XPR1: variants seen among roughly 807,000 people sequenced by gnomAD.
The protein encoded by XPR1 is xenotropic and polytropic retrovirus receptor 1, also known as solute carrier family 53 member 1.
In XPR1, 28 loss-of-function variants were observed where a neutral mutation model predicts 87.5. The ratio of observed to expected loss-of-function variants is 0.32; its 90% CI spans 0.24 to 0.44. The LOEUF is 0.44. Ranked by LOEUF, XPR1 falls within the 20% of genes least tolerant of loss-of-function variation. The probability of loss-of-function intolerance (pLI) is 1.00; values close to 1 mark genes in which losing one functional copy is unlikely to be tolerated. For synonymous variants in XPR1, 300 were observed against 306.1 expected, an observed-to-expected ratio of 0.98 and a Z score of 0.21; for missense variants, 559 against 862.3, an observed-to-expected ratio of 0.65 and a Z score of 4.41.
intron 9 of XPR1, among the ~76,000 whole-genome samples, chr1:180,832,840 T>C (rs1651119891): frequency 6.6e-6 from 1 of 152,214 alleles, no homozygotes; most frequent in Non-Finnish European, 1.5e-5. Context: ...GTCTTGGCTA[T>C]GTGGGCTCTT....
chr1:180,800,560 A>G (rs1010428610), intron 3 of XPR1, among the ~76,000 whole-genome samples: 8 of 152,194 alleles, frequency 5.3e-5, no homozygotes, highest in Non-Finnish European at 8.8e-5. Context: ...CTGACAGAGA[A>G]CCTAGCCACA....
At chr1:180,817,312 T>A (rs917082118) in intron 7 of XPR1, among the ~76,000 whole-genome samples, 1 of 152,164 alleles carries the variant, frequency 6.6e-6, no homozygotes, top group African/African-American at 2.4e-5. Flanking sequence ...AAAATTTTTT[T>A]ATAAATTCAG....
At chr1:180,747,947 C>CCAAAA (rs768614324) in intron 2 of XPR1, among the ~76,000 whole-genome samples, 11 of 152,050 alleles carry the variant, frequency 7.2e-5, no homozygotes, top group Admixed American at 3.3e-4. Context: ...AGAACAACAA[C>CCAAAA]CAAAACAAAA....
intron 2 of XPR1, among the ~76,000 whole-genome samples, chr1:180,742,736 A>T (rs1257467984): frequency 1.3e-5 from 2 of 152,022 alleles, no homozygotes. Flanking sequence ...AGTTATGTTG[A>T]AGTCTCCAGC....
At chr1:180,816,944 G>A (rs1359198745) in intron 7 of XPR1, among the ~76,000 whole-genome samples, 4 of 152,228 alleles carry the variant, frequency 2.6e-5, no homozygotes, top group African/African-American at 9.6e-5. Flanking sequence ...TAGAATAGGA[G>A]ATGACAGCTC....
chr1:180,682,533 T>C (rs934225728), intron 2 of XPR1, 122 bp downstream of exon 2: 1 of 433,120 alleles, frequency 2.3e-6, no homozygotes, highest in Non-Finnish European at 3.8e-6. Flanking sequence ...TTTTTTTCCC[T>C]TTTAATAATA....
chr1:180,742,293 C>T (rs1248349633), intron 2 of XPR1, among the ~76,000 whole-genome samples: 1 of 152,020 alleles, frequency 6.6e-6, no homozygotes, highest in Admixed American at 6.6e-5. Context: ...CCCCTGTAAG[C>T]ACTGTTTTAG....
At chr1:180,646,683 G>T (rs1655130846) in intron 1 of XPR1, among the ~76,000 whole-genome samples, 1 of 152,036 alleles carries the variant, frequency 6.6e-6, no homozygotes, top group Non-Finnish European at 1.5e-5. Context: ...GCTCACATTT[G>T]TTTTTTACTC....
chr1:180,886,029 T>G lies in XPR1; in HGVS notation c.*1963T>G, dbSNP rs574440965. 6.6e-6 allele frequency: 1 copy of G among 152,358 alleles called. No homozygotes were observed. The highest frequency in any genetic ancestry group is 2.4e-5 in the African/African-American group (1 of 41,590). 9.4% of individuals were successfully genotyped at this position (152,358 alleles called of 1,614,324 possible). On this transcript the variant is annotated 3_prime_UTR_variant, in exon 15 of 15. Coordinates refer to ENST00000367590, the MANE Select transcript of XPR1 (RefSeq NM_004736.4). The stretch of plus-strand genomic sequence containing the variant: ...TCATACAACTTTGTGCTTCTATTGC[T>G]TTTTTGTGTTTTGTTAAGCATGTCC...
intron 6 of XPR1, among the ~76,000 whole-genome samples, chr1:180,808,676 A>G (rs974173627): frequency 6.6e-6 from 1 of 152,204 alleles, no homozygotes; most frequent in Admixed American, 6.5e-5. Flanking sequence ...TACAGGTGGC[A>G]AATTAGCATG....
intron 1 of XPR1, among the ~76,000 whole-genome samples, chr1:180,653,547 A>G (rs1448360873): frequency 1.3e-5 from 2 of 152,148 alleles, no homozygotes; most frequent in Non-Finnish European, 2.9e-5. Flanking sequence ...TCCACAGGGG[A>G]TACATTCCAG....
chr1:180,836,623 A>G lies in XPR1; in HGVS notation c.1408A>G (p.Thr470Ala), dbSNP rs367582626. ...CCAGTGCCTGCGCCGATATCGAGAC[A>G]CAAAAAGGGCCTTTCCTCATTTAGT... ...FIQCLRRYRD[T>A]KRAFPHLVNA... The change falls in exon 11 of 15, where the codon ACA (threonine) becomes GCA (alanine). Residue 470 changes from threonine to alanine, a missense_variant. By Grantham distance (58) the Thr-to-Ala change is moderately conservative (BLOSUM62 0). Transcript: ENST00000367590. 1.2e-6 allele frequency: 2 copies of G among 1,614,066 alleles called. No individual in the cohort carries two copies. The highest frequency in any genetic ancestry group is 2.7e-5 in the African/African-American group (2 of 74,920).
intron 2 of XPR1, among the ~76,000 whole-genome samples, chr1:180,759,419 AT>A: frequency 6.6e-6 from 1 of 152,318 alleles, no homozygotes; most frequent in South Asian, 2.1e-4. Flanking sequence ...GCAATAAAAA[AT>A]GATAAAGGGG....
At chr1:180,862,476 A>G (rs1330946215) in intron 11 of XPR1, among the ~76,000 whole-genome samples, 1 of 152,066 alleles carries the variant, frequency 6.6e-6, no homozygotes, top group Non-Finnish European at 1.5e-5. Context: ...GACTTTTGCA[A>G]TACTATTTAT....
intron 1 of XPR1, among the ~76,000 whole-genome samples, chr1:180,658,131 G>A (rs1383884366): frequency 6.6e-6 from 1 of 152,090 alleles, no homozygotes; most frequent in Non-Finnish European, 1.5e-5. Context: ...TTTGCATGTC[G>A]ATTTTGTATC....
chr1:180,666,828 A>G (rs920020779), intron 1 of XPR1, among the ~76,000 whole-genome samples: 1 of 152,000 alleles, frequency 6.6e-6, no homozygotes, highest in Non-Finnish European at 1.5e-5. Context: ...TTTCTTGCCT[A>G]ATTGCCCTGG....
intron 1 of XPR1, among the ~76,000 whole-genome samples, chr1:180,657,415 T>C (rs1449616527): frequency 6.6e-6 from 1 of 152,142 alleles, no homozygotes; most frequent in Non-Finnish European, 1.5e-5. Flanking sequence ...AGTAGTTTCA[T>C]AGGTTGAGGT....
At position 180,878,961 on chromosome 1, in the gene XPR1, A is replaced by G. The variant is rs138590378; in HGVS notation, c.1809-1115A>G. ...TTATGTGAAATACTGTCTTTATGCT[A>G]TCTCCAGCCATAAACTTTCCCTTGA... On this transcript the variant is annotated intron_variant, in intron 13 of 14. Transcript: ENST00000367590. Among the ~76,000 whole-genome samples the G allele has an allele frequency of 3.4e-4, 52 of 152,276 alleles. 1 individual carries two copies. The Middle Eastern group carries it at 0.02, about 60-fold the overall frequency.
At chr1:180,705,675 C>T (rs979699078) in intron 2 of XPR1, among the ~76,000 whole-genome samples, 2 of 152,134 alleles carry the variant, frequency 1.3e-5, no homozygotes, top group African/African-American at 4.8e-5. Flanking sequence ...GATCCTCTAA[C>T]ATGTTAGCAA....
Sources: allele counts gnomAD v4.1 joint callset (sites outside exome capture counted in the v4.1 genomes callset), GRCh38; gene constraint gnomAD v4.1.1; transcripts MANE v1.5; gene names NCBI Gene and HGNC (gene_info 2026-07-23, HGNC 2026-07-21).